Variants in CIT observed in about 807,000 individuals in gnomAD.
The protein encoded by CIT is citron rho-interacting serine/threonine kinase.
CIT carries 79 observed loss-of-function variants against 272.7 expected under a neutral mutation model. The observed-to-expected ratio is 0.29, with a 90% confidence interval of 0.24 to 0.35. The LOEUF (loss-of-function observed/expected upper bound fraction) is 0.35. Among genes scored for constraint, CIT ranks in the 10% least tolerant of loss-of-function variants. The pLI is 1.00. For missense variants in CIT, 1,909 were observed against 2,618.3 expected, an observed-to-expected ratio of 0.73 and a Z score of 5.91; for synonymous variants, 948 against 995.6, an observed-to-expected ratio of 0.95 and a Z score of 0.90.
chr12:119,794,120 C>T (rs1005791342), intron 10 of CIT, among the ~76,000 whole-genome samples: 5 of 152,122 alleles, frequency 3.3e-5, no homozygotes, highest in Admixed American at 2.0e-4. Flanking sequence ...AATCCCAATT[C>T]TGCAGACCAC....
chr12:119,862,808 TAAAAAAAAAAAAAAAAAA>T (rs1157467178), intron 3 of CIT, among the ~76,000 whole-genome samples: 13 of 10,250 alleles, frequency 1.3e-3, no homozygotes, highest in South Asian at 7.5e-3. Context: ...AGACTCTACC[TAAAAAAAAAAAAAAAAAA>T]AAAAAAAAAA....
At chr12:119,852,325 G>GA (rs35054999) in intron 4 of CIT, among the ~76,000 whole-genome samples, 1 of 152,134 alleles carries the variant, frequency 6.6e-6, no homozygotes, top group Admixed American at 6.5e-5. Flanking sequence ...GAGAGTCCAG[G>GA]AAAAATCAAA....
At chr12:119,832,210 C>T (rs1034108449) in intron 7 of CIT, among the ~76,000 whole-genome samples, 4 of 152,136 alleles carry the variant, frequency 2.6e-5, no homozygotes, top group African/African-American at 7.2e-5. Flanking sequence ...ACTTTGTCAT[C>T]TTTTTCCTAA....
intron 7 of CIT, among the ~76,000 whole-genome samples, chr12:119,831,343 A>G (rs546462954): frequency 3.6e-4 from 55 of 152,216 alleles, no homozygotes; most frequent in Middle Eastern, 3.2e-3. Context: ...TCAAGTGAAC[A>G]GATTACAAGA....
intron 30 of CIT, among the ~76,000 whole-genome samples, chr12:119,719,621 G>A (rs1227001539): frequency 6.6e-6 from 1 of 152,196 alleles, no homozygotes; most frequent in Non-Finnish European, 1.5e-5. Context: ...TGCCCTTACA[G>A]CGAAGATGGC....
At chr12:119,787,590 G>A (rs12826941) in intron 10 of CIT, among the ~76,000 whole-genome samples, 1 of 151,602 alleles carries the variant, frequency 6.6e-6, no homozygotes, top group African/African-American at 2.4e-5. Flanking sequence ...AATTAGCCAG[G>A]CCTGGTGGTG....
At position 119,767,126 on chromosome 12, in the gene CIT, G is replaced by A. The variant is rs779958494; in HGVS notation, c.2265C>T (p.His755=). Reference sequence around the variant, plus strand: ...CATAGTGCTGCTCTTTCTGTTTCAGGTGCACTTCTAGGTGCTGGGCTGAGA... The same window carrying A: ...CATAGTGCTGCTCTTTCTGTTTCAGATGCACTTCTAGGTGCTGGGCTGAGA... The part of the protein sequence containing the change: ...AQVSAQHLEV[H]LKQKEQHYEE... The change falls in exon 19 of 48, where the codon CAC becomes CAT. Residue 755 remains histidine (H), a synonymous_variant. Transcript: ENST00000392521. The A allele has an allele frequency of 3.1e-6, 5 of 1,610,394 alleles. No individual in the cohort carries two copies. The Admixed American group carries it at 5.0e-5, about 16-fold the overall frequency.
chr12:119,852,401 T>G (rs996587487), intron 4 of CIT, among the ~76,000 whole-genome samples: 4 of 152,118 alleles, frequency 2.6e-5, no homozygotes, highest in African/African-American at 9.7e-5. Flanking sequence ...GATCCTCAAC[T>G]CGATCGTTTT....
chr12:119,715,154 G>C (rs1483350614), intron 32 of CIT, among the ~76,000 whole-genome samples: 1 of 152,170 alleles, frequency 6.6e-6, no homozygotes, highest in African/African-American at 2.4e-5. Context: ...ACCGCCACAT[G>C]AGACATGCCT....
chr12:119,812,852 GA>G (rs1160562069), intron 9 of CIT, among the ~76,000 whole-genome samples: 1 of 151,832 alleles, frequency 6.6e-6, no homozygotes, highest in Non-Finnish European at 1.5e-5. Context: ...AAAGAAGAAG[GA>G]GGTTATCTGG....
intron 5 of CIT, among the ~76,000 whole-genome samples, chr12:119,841,934 T>TA (rs1362662495): frequency 4.6e-5 from 7 of 152,180 alleles, no homozygotes; most frequent in Admixed American, 1.3e-4. Context: ...CCTTAGCTAA[T>TA]ACATCTCTAC....
At position 119,712,238 on chromosome 12, in the gene CIT, G is replaced by C; in HGVS notation, c.4794C>G (p.Thr1598=). ...CACCTGCGACAACTGATTCTAAGGCGGTGACCCAGCGCTGTTTGTCAGGGA... is the reference window on the plus strand; with the variant it reads ...CACCTGCGACAACTGATTCTAAGGCCGTGACCCAGCGCTGTTTGTCAGGGA... The part of the protein sequence containing the change: ...PSFPDKQRWV[T]ALESVVAGGR... The change falls in exon 37 of 48, where the codon ACC becomes ACG. Residue 1598 remains threonine (T), a synonymous_variant. Transcript: ENST00000392521. This position sits in a 1 kb window ranked among gnomAD's most constrained non-coding sequence, Gnocchi z 5.2. 6.2e-7 allele frequency: 1 copy of C among 1,613,726 alleles called. No homozygotes were observed. Among genetic ancestry groups the C allele is most frequent in the East Asian group, 2.2e-5 (1 of 44,870 alleles).
chr12:119,718,365 CTGGCGTGGA>C lies in CIT; in HGVS notation c.4039_4047del (p.Ser1347_Pro1349del). The C allele has an allele frequency of 1.2e-6, 2 of 1,613,922 alleles. No individual in the cohort carries two copies. The highest frequency in any genetic ancestry group is 2.2e-5 in the South Asian group (2 of 91,038). ...ATGGCGATCTGCTGCCTCGCGGTGG[CTGGCGTGGA>C]TGGGTGTGGGTGGTCCGTTGCTTTG... On this transcript the variant is annotated inframe_deletion, in exon 32 of 48. Coordinates refer to ENST00000392521, the MANE Select transcript of CIT (RefSeq NM_001206999.2). The surrounding 1 kb of genome is among the most constrained non-coding windows in gnomAD (Gnocchi z 4.8).
intron 42 of CIT, 32 bp downstream of exon 42, chr12:119,701,818 T>TG (rs1565906317): frequency 1.2e-6 from 2 of 1,614,086 alleles, no homozygotes; most frequent in South Asian, 2.2e-5. Context: ...GCCTGAGCCA[T>TG]GGGTGGGTGC....
intron 28 of CIT, among the ~76,000 whole-genome samples, chr12:119,725,419 C>T (rs771185942): frequency 3.3e-5 from 5 of 152,054 alleles, no homozygotes; most frequent in Non-Finnish European, 5.9e-5. Flanking sequence ...GAGCAAGACT[C>T]TGTCTCAAAA....
chr12:119,855,038 C>T (rs1302459187), intron 4 of CIT, among the ~76,000 whole-genome samples: 1 of 152,018 alleles, frequency 6.6e-6, no homozygotes, highest in African/African-American at 2.4e-5. Flanking sequence ...GCGGGAGGGT[C>T]GCTTAAGCCC....
At chr12:119,815,471 C>G (rs1157022742) in intron 9 of CIT, among the ~76,000 whole-genome samples, 1 of 152,112 alleles carries the variant, frequency 6.6e-6, no homozygotes, top group Non-Finnish European at 1.5e-5. Flanking sequence ...CTTTGGGAGG[C>G]CGAGGTGGGC....
chr12:119,770,636 C>T lies in CIT; in HGVS notation c.2208+149G>A, dbSNP rs1317646016. Reference sequence around the variant, plus strand: ...TTATTTGGTTATTCATACTACTCTACGATGTGGCATATGCTGAAACCACCT... The same window carrying T: ...TTATTTGGTTATTCATACTACTCTATGATGTGGCATATGCTGAAACCACCT... On this transcript the variant is annotated intron_variant, in intron 18 of 47. Coordinates refer to ENST00000392521, the MANE Select transcript of CIT (RefSeq NM_001206999.2). This position sits in a 1 kb window ranked among gnomAD's most constrained non-coding sequence, Gnocchi z 4.4. 7 of 798,300 alleles carry T rather than the reference C, an allele frequency of 8.8e-6. No homozygotes were observed. Among genetic ancestry groups the T allele is most frequent in the East Asian group, 2.6e-5 (1 of 39,174 alleles). 49.5% of individuals were successfully genotyped at this position (798,300 alleles called of 1,614,324 possible).
At chr12:119,786,973 A>T (rs1181504518) in intron 10 of CIT, among the ~76,000 whole-genome samples, 1 of 152,150 alleles carries the variant, frequency 6.6e-6, no homozygotes, top group African/African-American at 2.4e-5. Flanking sequence ...AAAATAAATA[A>T]ATAAATTATT....
Sources: gnomAD v4.1 joint callset for allele counts (sites outside exome capture counted in the v4.1 genomes callset) on GRCh38, gnomAD v4.1.1 for gene constraint, Gnocchi (gnomAD v3.1) non-coding constraint, MANE v1.5 for transcripts, NCBI Gene and HGNC (gene_info 2026-07-23, HGNC 2026-07-21) for gene names.